Variants in CSGALNACT2 observed in about 807,000 individuals in gnomAD.
CSGALNACT2 encodes the protein beta 4 GalNAcT-2.
In CSGALNACT2, 35 loss-of-function variants were observed where a neutral mutation model predicts 55.3. The ratio of observed to expected loss-of-function variants is 0.63; its 90% confidence interval spans 0.48 to 0.84. The LOEUF (loss-of-function observed/expected upper bound fraction) is 0.84. Ranked by LOEUF, CSGALNACT2 falls within the 40% of genes least tolerant of loss-of-function variation. CSGALNACT2 has a pLI of 0.00. For synonymous variants in CSGALNACT2, 196 were observed against 224.9 expected (o/e 0.87, Z 1.15); for missense variants, 544 against 657.5 (o/e 0.83, Z 1.89).
intron 1 of CSGALNACT2, among the ~76,000 whole-genome samples, chr10:43,151,313 C>G (rs1195561632): frequency 6.6e-6 from 1 of 151,974 alleles, no homozygotes; most frequent in Admixed American, 6.6e-5. Flanking sequence ...ATTCTTAAGG[C>G]TTGTTGTGCT....
rs2133112615 is a variant in CSGALNACT2, at chr10:43,155,741, G to A, written c.592G>A (p.Asp198Asn). The A allele has an allele frequency of 6.2e-7, 1 of 1,614,146 alleles. No homozygotes were observed. The highest frequency in any genetic ancestry group is 8.5e-7 in the Non-Finnish European group (1 of 1,180,000). Residue 198 changes from aspartate (D) to asparagine (N), a missense_variant, in exon 2 of 8, where the codon GAT becomes AAT. This residue lies in a region of CSGALNACT2 where 374 missense variants were observed against 401.3 expected (regional missense o/e 0.93). Transcript: ENST00000374466. ...LEVINNPDEDDEQEDEEGPLG... is the reference protein window; with the variant it reads ...LEVINNPDEDNEQEDEEGPLG... ...GGTCATTAATAATCCTGATGAAGAT[G>A]ATGAACAAGAAGATGAGGAGGGTCC...
chr10:43,158,921 C>G lies in CSGALNACT2; in HGVS notation c.868C>G (p.Gln290Glu). Reference sequence around the variant, plus strand: ...AACTGAAGCATTTGTACAATTTATGCAGAACTTCAGGTAACTGTCAGGGCT... The same window carrying G: ...AACTGAAGCATTTGTACAATTTATGGAGAACTTCAGGTAACTGTCAGGGCT... ...ERTEAFVQFMQNFRDVCIHQD... is the reference protein window; with the variant it reads ...ERTEAFVQFMENFRDVCIHQD... Residue 290 changes from glutamine to glutamate, a missense_variant, in exon 3 of 8, where the codon CAG becomes GAG. Transcript: ENST00000374466. 1 of 1,593,292 alleles carries G rather than the reference C, an allele frequency of 6.3e-7. No homozygotes were observed. The highest frequency in any genetic ancestry group is 1.3e-5 in the African/African-American group (1 of 74,630).
chr10:43,155,524 T>C lies in CSGALNACT2; in HGVS notation c.375T>C (p.His125=), dbSNP rs1416105354. The C allele has an allele frequency of 2.5e-6, 4 of 1,614,208 alleles. No individual in the cohort carries two copies. The Admixed American group carries it at 5.0e-5, about 20-fold the overall frequency. The part of the protein sequence containing the change: ...QAPSDLLEFL[H]SQIDKAEVSI... ...CTAGTGATCTTTTAGAGTTTCTTCA[T>C]TCCCAAATTGACAAAGCTGAAGTTA... Residue 125 remains histidine, a synonymous_variant, in exon 2 of 8, where the codon CAT becomes CAC. Transcript: ENST00000374466.
intron 6 of CSGALNACT2, among the ~76,000 whole-genome samples, chr10:43,169,956 T>C (rs1373935289): frequency 6.6e-6 from 1 of 152,214 alleles, no homozygotes; most frequent in Non-Finnish European, 1.5e-5. Context: ...AATAGACATT[T>C]TTGAGCTTTC....
intron 1 of CSGALNACT2, among the ~76,000 whole-genome samples, chr10:43,149,003 A>G (rs1278886887): frequency 1.3e-5 from 2 of 152,162 alleles, no homozygotes; most frequent in Non-Finnish European, 2.9e-5. Flanking sequence ...ATTAAATACA[A>G]TGTTAGCTAT....
chr10:43,178,053 A>G (rs994165671), intron 7 of CSGALNACT2, among the ~76,000 whole-genome samples: 3 of 152,154 alleles, frequency 2.0e-5, no homozygotes, highest in Admixed American at 6.5e-5. Context: ...GGCCATTTGT[A>G]TATCTTTAGT....
chr10:43,139,125 C>T (rs1399278205), intron 1 of CSGALNACT2, among the ~76,000 whole-genome samples: 1 of 152,202 alleles, frequency 6.6e-6, no homozygotes, highest in Non-Finnish European at 1.5e-5. Flanking sequence ...TGAAGCTTCT[C>T]TTCCTGAGTC....
At position 43,164,025 on chromosome 10, in the gene CSGALNACT2, C is replaced by A; in HGVS notation, c.1140C>A (p.Cys380Ter). ...IYFSAEFLNS[C>*]RLNAEPGKKV... ...TCTCAGCCGAATTCCTTAACAGCTGCCGGTTAAATGCTGAGCCAGGTGCGT... is the reference window on the plus strand; with the variant it reads ...TCTCAGCCGAATTCCTTAACAGCTGACGGTTAAATGCTGAGCCAGGTGCGT... The change falls in exon 5 of 8, where the codon TGC (cysteine) becomes TGA (stop). Residue 380 changes from cysteine (C) to a stop codon, truncating the protein, a stop_gained. Transcript: ENST00000374466. LOFTEE classifies it high-confidence loss of function. The A allele has an allele frequency of 6.2e-7, 1 of 1,613,286 alleles. No individual in the cohort carries two copies. Among genetic ancestry groups the A allele is most frequent in the Non-Finnish European group, 8.5e-7 (1 of 1,179,552 alleles).
rs574491698 is a variant in CSGALNACT2 at position 43,158,710 on chromosome 10, T to C, written c.662-5T>C. The C allele has an allele frequency of 1.7e-4, 267 of 1,549,938 alleles. 6 individuals carry two copies. In the South Asian group the frequency reaches 2.9e-3, roughly 17 times the overall value. Reference sequence around the variant, plus strand: ...GACGTCTTTGTTCCTAACTCTTTCCTTTAGGTTATTATCGCACTGAGAGAG... The same window carrying C: ...GACGTCTTTGTTCCTAACTCTTTCCCTTAGGTTATTATCGCACTGAGAGAG... On this transcript the variant is annotated splice_polypyrimidine_tract_variant and splice_region_variant and intron_variant, in intron 2 of 7. Coordinates refer to ENST00000374466, the MANE Select transcript of CSGALNACT2 (RefSeq NM_018590.5).
At chr10:43,164,147 A>C in intron 5 of CSGALNACT2, 103 bp downstream of exon 5, 1 of 924,000 alleles carries the variant, frequency 1.1e-6, no homozygotes, top group Non-Finnish European at 1.6e-6. Flanking sequence ...TTTTAGTTAA[A>C]CCCCAGTATT....
chr10:43,139,991 C>T (rs1221280029), intron 1 of CSGALNACT2, among the ~76,000 whole-genome samples: 3 of 151,920 alleles, frequency 2.0e-5, no homozygotes, highest in African/African-American at 7.3e-5. Context: ...GTCAGGAGTT[C>T]GAGACCAGCC....
chr10:43,183,240 G>C lies in CSGALNACT2; in HGVS notation c.1337-10G>C. The C allele has an allele frequency of 6.2e-7, 1 of 1,605,472 alleles. No individual in the cohort carries two copies. The highest frequency in any genetic ancestry group is 8.5e-7 in the Non-Finnish European group (1 of 1,172,254). On this transcript the variant is annotated splice_polypyrimidine_tract_variant and intron_variant, in intron 7 of 7. Coordinates refer to ENST00000374466, the MANE Select transcript of CSGALNACT2 (RefSeq NM_018590.5). ...GGCAGTTATTTATAGTGTCAATTTT[G>C]ATCTTACAGGTGGATTTGACATGGA...
chr10:43,150,680 A>G (rs1315445066), intron 1 of CSGALNACT2, among the ~76,000 whole-genome samples: 2 of 152,128 alleles, frequency 1.3e-5, no homozygotes, highest in Non-Finnish European at 2.9e-5. Context: ...TTTGATTATC[A>G]TGTACCTTGC....
chr10:43,156,846 C>T (rs577371924), intron 2 of CSGALNACT2, among the ~76,000 whole-genome samples: 6 of 152,360 alleles, frequency 3.9e-5, no homozygotes, highest in African/African-American at 9.6e-5. Flanking sequence ...CTTGCTGTGC[C>T]GCCTAGTTCC....
chr10:43,158,119 C>T (rs1340390747), intron 2 of CSGALNACT2, among the ~76,000 whole-genome samples: 1 of 151,594 alleles, frequency 6.6e-6, no homozygotes, highest in African/African-American at 2.4e-5. Flanking sequence ...TAAATCTGTA[C>T]CAATTTTTCT....
At chr10:43,173,443 A>C (rs1281116364) in intron 6 of CSGALNACT2, among the ~76,000 whole-genome samples, 2 of 152,360 alleles carry the variant, frequency 1.3e-5, no homozygotes, top group East Asian at 1.9e-4. Flanking sequence ...CAGATAAAAC[A>C]GTGCAAGAAA....
chr10:43,178,002 C>T (rs1302401349), intron 7 of CSGALNACT2, among the ~76,000 whole-genome samples: 1 of 152,170 alleles, frequency 6.6e-6, no homozygotes, highest in East Asian at 1.9e-4. Flanking sequence ...TATAATTTTT[C>T]TTATGATTAA....
intron 7 of CSGALNACT2, among the ~76,000 whole-genome samples, chr10:43,182,698 T>C (rs936424907): frequency 6.7e-6 from 1 of 148,662 alleles, no homozygotes; most frequent in Non-Finnish European, 1.5e-5. Flanking sequence ...GGCAACATGG[T>C]GATACCCCAT....
chr10:43,168,138 G>C (rs1245234738), intron 6 of CSGALNACT2, among the ~76,000 whole-genome samples: 1 of 152,156 alleles, frequency 6.6e-6, no homozygotes, highest in East Asian at 1.9e-4. Context: ...CTAAGTTCAT[G>C]TTAGTATTTT....
Sources: gnomAD v4.1 joint callset for allele counts (sites outside exome capture counted in the v4.1 genomes callset) on GRCh38, gnomAD v4.1.1 for gene constraint, gnomAD v4.1.1 regional missense constraint, MANE v1.5 for transcripts, NCBI Gene and HGNC (gene_info 2026-07-23, HGNC 2026-07-21) for gene names.